The following RASAL2 variants were observed in gnomAD, a reference collection of about 807,000 sequenced individuals.
RASAL2 encodes RAS protein activator like 2, also known as ras GTPase-activating protein nGAP.
RASAL2 carries 58 observed loss-of-function variants against 128.9 expected under a neutral mutation model. That is an observed-to-expected ratio of 0.45 (90% CI 0.36 to 0.56). The LOEUF is 0.56. Ranked by LOEUF, RASAL2 falls within the 20% of genes least tolerant of loss-of-function variation. RASAL2 has a pLI of 0.00. For synonymous variants in RASAL2, 561 were observed against 580.8 expected, an observed-to-expected ratio of 0.97 and a Z score of 0.49; for missense variants, 1,360 against 1,601.6, an observed-to-expected ratio of 0.85 and a Z score of 2.57.
At chr1:178,285,581 A>G (rs1003917751) in intron 2 of RASAL2, among the ~76,000 whole-genome samples, 2 of 152,256 alleles carry the variant, frequency 1.3e-5, no homozygotes, top group African/African-American at 4.8e-5. Flanking sequence ...TATTAAAATA[A>G]CTGAATAAAG....
rs1676780168 is a variant in RASAL2 at position 178,443,068 on chromosome 1, A to G, written c.1321A>G (p.Ile441Val). The G allele has an allele frequency of 3.7e-6, 6 of 1,614,038 alleles. No individual in the cohort carries two copies. The East Asian group carries it at 6.7e-5, about 18-fold the overall frequency. ...SIRIKSRFQT[I>V]TILPMEQYKE... ...TCGGATTAAATCACGTTTCCAAACT[A>G]TCACCATTCTGCCTATGGAGCAATA... Residue 441 changes from isoleucine to valine, a missense_variant, in exon 8 of 18, where the codon ATC becomes GTC. Physicochemically the swap from Ile to Val is conservative, Grantham distance 29. Around this residue, in one of 3 missense-constraint regions of RASAL2, gnomAD observed 617 missense variants for 714.2 expected, o/e 0.86. Coordinates refer to ENST00000367649, the MANE Select transcript of RASAL2 (RefSeq NM_170692.4).
At chr1:178,145,783 G>A (rs1176889258) in intron 1 of RASAL2, among the ~76,000 whole-genome samples, 1 of 152,138 alleles carries the variant, frequency 6.6e-6, no homozygotes, top group Non-Finnish European at 1.5e-5. Context: ...CATTGCATCA[G>A]TATCCTTAGG....
intron 3 of RASAL2, among the ~76,000 whole-genome samples, chr1:178,325,371 T>TC (rs1391758695): frequency 1.3e-5 from 2 of 152,194 alleles, no homozygotes; most frequent in Non-Finnish European, 2.9e-5. Flanking sequence ...TTAGGTTTTT[T>TC]CCCTCCCACT....
At chr1:178,399,177 C>T (rs1021318048) in intron 4 of RASAL2, among the ~76,000 whole-genome samples, 1 of 152,318 alleles carries the variant, frequency 6.6e-6, no homozygotes, top group Non-Finnish European at 1.5e-5. Context: ...TTCAGCCTCC[C>T]TCTCTCTTCA....
chr1:178,348,952 A>G (rs1279208563), intron 3 of RASAL2, among the ~76,000 whole-genome samples: 2 of 151,264 alleles, frequency 1.3e-5, no homozygotes, highest in African/African-American at 2.4e-5. Flanking sequence ...GGTGCCTGCC[A>G]CCATGCCTGG....
intron 1 of RASAL2, among the ~76,000 whole-genome samples, chr1:178,134,457 C>CAA (rs59410623): frequency 9.0e-6 from 1 of 111,512 alleles, no homozygotes; most frequent in African/African-American, 3.2e-5. Context: ...GACCCTATCT[C>CAA]AAAAAAAAAA....
At chr1:178,233,902 G>A (rs796477076) in intron 1 of RASAL2, among the ~76,000 whole-genome samples, 11 of 152,276 alleles carry the variant, frequency 7.2e-5, no homozygotes, top group African/African-American at 2.6e-4. Context: ...TGAATAAGGG[G>A]AAAAAAGGGA....
intron 1 of RASAL2, among the ~76,000 whole-genome samples, chr1:178,253,543 T>A (rs1665158097): frequency 1.3e-5 from 2 of 152,180 alleles, no homozygotes; most frequent in South Asian, 4.1e-4. Context: ...ACAATAAGGC[T>A]GTTTATTTCA....
At chr1:178,248,088 C>T (rs1001902480) in intron 1 of RASAL2, among the ~76,000 whole-genome samples, 1 of 152,162 alleles carries the variant, frequency 6.6e-6, no homozygotes, top group Admixed American at 6.5e-5. Flanking sequence ...ATTAGGTCCA[C>T]TTGGTCCAGA....
intron 14 of RASAL2, 135 bp downstream of exon 14, chr1:178,458,679 A>G (rs1214992488): frequency 1.5e-6 from 2 of 1,299,598 alleles, no homozygotes; most frequent in Non-Finnish European, 2.1e-6. Flanking sequence ...GGAAAGAGGA[A>G]AGGAAAAATT....
At chr1:178,355,143 T>C (rs1470545927) in intron 3 of RASAL2, among the ~76,000 whole-genome samples, 1 of 152,186 alleles carries the variant, frequency 6.6e-6, no homozygotes, top group African/African-American at 2.4e-5. Context: ...CTCTCTTTCT[T>C]TCTAGGTATC....
chr1:178,114,343 G>A (rs1027405004), intron 1 of RASAL2, among the ~76,000 whole-genome samples: 5 of 152,014 alleles, frequency 3.3e-5, no homozygotes, highest in African/African-American at 1.2e-4. Flanking sequence ...AAAAAATACA[G>A]ATCTCCTTTA....
intron 5 of RASAL2, among the ~76,000 whole-genome samples, chr1:178,425,801 A>G (rs2102771368): frequency 6.6e-6 from 1 of 152,276 alleles, no homozygotes; most frequent in Middle Eastern, 3.4e-3. Context: ...TACCTAGTTG[A>G]CTTTGACTTC....
At chr1:178,396,248 C>G (rs1177933130) in intron 4 of RASAL2, among the ~76,000 whole-genome samples, 1 of 152,072 alleles carries the variant, frequency 6.6e-6, no homozygotes, top group South Asian at 2.1e-4. Context: ...TTACCCTAAC[C>G]AGGAGAAGAG....
chr1:178,214,103 G>GACAAA (rs945835927), intron 1 of RASAL2, among the ~76,000 whole-genome samples: 29 of 151,830 alleles, frequency 1.9e-4, no homozygotes, highest in Non-Finnish European at 4.1e-4. Context: ...AGCAAGACAA[G>GACAAA]ACAAAACAAA....
intron 1 of RASAL2, among the ~76,000 whole-genome samples, chr1:178,143,711 G>T (rs1232013420): frequency 6.6e-6 from 1 of 151,490 alleles, no homozygotes; most frequent in Non-Finnish European, 1.5e-5. Context: ...ATTGGGAAGT[G>T]GGGGTGGTTA....
At position 178,464,273 on chromosome 1, in the gene RASAL2, T is replaced by TG. The variant is rs1647415487; in HGVS notation, c.3253-4dup. On this transcript the variant is annotated splice_region_variant and splice_polypyrimidine_tract_variant and intron_variant, in intron 14 of 17. Coordinates refer to ENST00000367649, the MANE Select transcript of RASAL2 (RefSeq NM_170692.4). Reference sequence around the variant, plus strand: ...GGGAAATGCTAATAACTGTTTCTGATGCAGGTTCAGTCACCTGTGGACTCT... The same window carrying TG: ...GGGAAATGCTAATAACTGTTTCTGATGGCAGGTTCAGTCACCTGTGGACTCT... The TG allele has an allele frequency of 6.9e-6, 11 of 1,604,808 alleles. No homozygotes were observed. The East Asian group carries it at 2.5e-4, about 36-fold the overall frequency.
At chr1:178,416,593 T>C (rs1018140615) in intron 4 of RASAL2, among the ~76,000 whole-genome samples, 1 of 152,104 alleles carries the variant, frequency 6.6e-6, no homozygotes, top group African/African-American at 2.4e-5. Flanking sequence ...GTGACCTATA[T>C]TGTTTTCTTT....
intron 4 of RASAL2, among the ~76,000 whole-genome samples, chr1:178,402,871 A>G (rs1673736649): frequency 6.6e-6 from 1 of 152,196 alleles, no homozygotes; most frequent in Non-Finnish European, 1.5e-5. Context: ...GACAATGAAA[A>G]AAAATAGTAT....
Sources: gnomAD v4.1 joint callset for allele counts (sites outside exome capture counted in the v4.1 genomes callset) on GRCh38, gnomAD v4.1.1 for gene constraint, gnomAD v4.1.1 regional missense constraint, MANE v1.5 for transcripts, NCBI Gene and HGNC (gene_info 2026-07-23, HGNC 2026-07-21) for gene names.